TRAPPC9: variants seen among roughly 807,000 people sequenced by gnomAD.
TRAPPC9 encodes the protein IKK2 binding protein.
Under a neutral mutation model 124.0 loss-of-function variants are expected in TRAPPC9, and 83 were observed. The ratio of observed to expected loss-of-function variants is 0.67; its 90% CI spans 0.56 to 0.80. TRAPPC9 has a LOEUF of 0.80. Among genes scored for constraint, TRAPPC9 ranks in the 30% least tolerant of loss-of-function variants. TRAPPC9 has a pLI of 0.00. For missense variants in TRAPPC9, 1,302 were observed against 1,508.3 expected (o/e 0.86, Z 2.27); for synonymous variants, 638 against 617.5 (o/e 1.03, Z -0.49).
intron 2 of TRAPPC9, among the ~76,000 whole-genome samples, chr8:140,443,056 C>T (rs1213496155): frequency 2.9e-5 from 4 of 139,114 alleles, no homozygotes; most frequent in African/African-American, 1.1e-4. Context: ...TCGCTTGAAC[C>T]CGGAAGGCAG....
At chr8:140,375,819 G>C (rs775275761) in intron 7 of TRAPPC9, among the ~76,000 whole-genome samples, 2 of 152,154 alleles carry the variant, frequency 1.3e-5, no homozygotes, top group Admixed American at 6.5e-5. Context: ...GTGATCAGAA[G>C]AACAAGTCAG....
intron 16 of TRAPPC9, among the ~76,000 whole-genome samples, chr8:140,249,597 C>T (rs897962141): frequency 1.2e-5 from 1 of 81,990 alleles, no homozygotes; most frequent in East Asian, 5.3e-4. Context: ...ATCTTTCACT[C>T]TTTTTTTTTT....
At chr8:140,096,216 C>T (rs1022763929) in intron 17 of TRAPPC9, 7 of 152,324 alleles carry the variant, frequency 4.6e-5, no homozygotes, top group African/African-American at 1.7e-4. Context: ...AGCTAAAATA[C>T]ACAGGGGCTG....
chr8:140,437,831 C>T (rs1379577604), intron 3 of TRAPPC9, among the ~76,000 whole-genome samples: 1 of 152,118 alleles, frequency 6.6e-6, no homozygotes, highest in African/African-American at 2.4e-5. Context: ...CCCAGGACCA[C>T]CTCCAGGAGG....
rs1554683879 is a variant in TRAPPC9 at position 140,419,448 on chromosome 8, A to AAAAAAC, written c.886+7166_886+7167insGTTTTT. Among the ~76,000 whole-genome samples the AAAAAAC allele has an allele frequency of 7.7e-4, 73 of 94,732 alleles. 2 individuals are homozygous for AAAAAAC. The highest frequency in any genetic ancestry group is 3.4e-3 in the East Asian group (11 of 3,234). 62.1% of individuals were successfully genotyped at this position (94,732 alleles called of 152,430 possible). ...CGTCTCAAAAAAAAAAAAAAAAAAAAAAAACAAAACAAAACAAAAAACGAG... is the reference window on the plus strand; with the variant it reads ...CGTCTCAAAAAAAAAAAAAAAAAAAAAAAAACAAAACAAAACAAAACAAAAAACGAG... On this transcript the variant is annotated intron_variant, in intron 5 of 22. Transcript: ENST00000438773.
At chr8:139,736,456 G>C (rs1421402938) in intron 21 of TRAPPC9, among the ~76,000 whole-genome samples, 2 of 152,180 alleles carry the variant, frequency 1.3e-5, no homozygotes, top group Non-Finnish European at 2.9e-5. Context: ...AGCCCCTACA[G>C]CTCCGGCAGC....
At chr8:140,295,734 C>T (rs1407559065) in intron 11 of TRAPPC9, among the ~76,000 whole-genome samples, 3 of 152,144 alleles carry the variant, frequency 2.0e-5, no homozygotes, top group Non-Finnish European at 4.4e-5. Flanking sequence ...GTGATGATAC[C>T]TCCCCCAATT....
intron 17 of TRAPPC9, among the ~76,000 whole-genome samples, chr8:140,190,883 G>T (rs1225217318): frequency 6.6e-6 from 1 of 152,196 alleles, no homozygotes; most frequent in Non-Finnish European, 1.5e-5. Context: ...ACCTTTGGAG[G>T]ACTACAGCGT....
chr8:140,439,935 ACTC>A (rs2070949008), intron 2 of TRAPPC9, among the ~76,000 whole-genome samples: 2 of 152,068 alleles, frequency 1.3e-5, no homozygotes, highest in Non-Finnish European at 2.9e-5. Context: ...CAAGAATAAA[ACTC>A]CTCTGGAAAT....
At position 139,732,253 on chromosome 8, in the gene TRAPPC9, C is replaced by G. The variant is rs1274695958; in HGVS notation, c.3056-51G>C. On this transcript the variant is annotated intron_variant, in intron 21 of 22. Coordinates refer to ENST00000438773, the MANE Select transcript of TRAPPC9 (RefSeq NM_001160372.4). ...GGCTGGGCTGGCCTGCACGGCCCAG[C>G]CGGCCTACCCCACCCACTCGCTGAT... 2.0e-6 allele frequency: 3 copies of G among 1,475,310 alleles called. No homozygotes were observed. The South Asian group carries it at 3.7e-5, about 18-fold the overall frequency. 91.4% of individuals were successfully genotyped at this position (1,475,310 alleles called of 1,614,324 possible). A position where few individuals can be genotyped will look rare whatever the true frequency, so the allele number is the denominator to read the frequency against.
At chr8:140,059,144 C>A (rs1842445137) in intron 17 of TRAPPC9, among the ~76,000 whole-genome samples, 1 of 152,198 alleles carries the variant, frequency 6.6e-6, no homozygotes, top group Non-Finnish European at 1.5e-5. Flanking sequence ...AGCCCTCTCA[C>A]CCCTCCAGGA....
intron 17 of TRAPPC9, chr8:140,040,229 G>C (rs1467187236): frequency 6.6e-6 from 1 of 152,490 alleles, no homozygotes; most frequent in South Asian, 2.1e-4. Context: ...TCATGGCCTA[G>C]TGGAGGTACT....
chr8:140,101,955 A>G (rs949333526), intron 17 of TRAPPC9, among the ~76,000 whole-genome samples: 2 of 151,742 alleles, frequency 1.3e-5, no homozygotes, highest in Non-Finnish European at 2.9e-5. Flanking sequence ...ATGTTCTGGT[A>G]TATCAATATT....
intron 17 of TRAPPC9, among the ~76,000 whole-genome samples, chr8:140,061,431 G>C (rs1842606817): frequency 6.6e-6 from 1 of 152,160 alleles, no homozygotes; most frequent in African/African-American, 2.4e-5. Context: ...CACAAGTCCG[G>C]TTCTCTGTCC....
At chr8:140,162,340 C>T (rs1242870610) in intron 17 of TRAPPC9, among the ~76,000 whole-genome samples, 1 of 152,154 alleles carries the variant, frequency 6.6e-6, no homozygotes, top group East Asian at 1.9e-4. Flanking sequence ...GTGGTGTCAG[C>T]CCCCTGCTTC....
chr8:140,006,676 A>G (rs1031800685), intron 18 of TRAPPC9, among the ~76,000 whole-genome samples: 2 of 152,266 alleles, frequency 1.3e-5, no homozygotes, highest in African/African-American at 4.8e-5. Context: ...AAGAAATAAC[A>G]TACATAATTG....
At chr8:139,890,165 C>G (rs1440244244) in intron 20 of TRAPPC9, among the ~76,000 whole-genome samples, 1 of 152,242 alleles carries the variant, frequency 6.6e-6, no homozygotes, top group South Asian at 2.1e-4. Context: ...AGCCAGCACA[C>G]GTGGAACCCA....
At chr8:140,012,457 C>T (rs1563688302) in intron 18 of TRAPPC9, among the ~76,000 whole-genome samples, 1 of 152,200 alleles carries the variant, frequency 6.6e-6, no homozygotes, top group East Asian at 1.9e-4. Context: ...GGCGTGGACC[C>T]CATGCGCTGC....
chr8:140,085,584 G>A (rs558131284), intron 17 of TRAPPC9, among the ~76,000 whole-genome samples: 2 of 152,322 alleles, frequency 1.3e-5, no homozygotes, highest in South Asian at 2.1e-4. Flanking sequence ...TGAAGCCGAC[G>A]TGCTGGAGGG....
Sources: gnomAD v4.1 joint callset for allele counts (sites outside exome capture counted in the v4.1 genomes callset) on GRCh38, gnomAD v4.1.1 for gene constraint, MANE v1.5 for transcripts, NCBI Gene and HGNC (gene_info 2026-07-23, HGNC 2026-07-21) for gene names.